COL12A1: variants seen among roughly 807,000 people sequenced by gnomAD.
COL12A1 encodes the protein collagen type XII alpha 1 chain, also known as collagen alpha-1(XII) chain.
Under a neutral mutation model 349.7 loss-of-function variants are expected in COL12A1, and 114 were observed. That is an observed-to-expected ratio of 0.33 (90% CI 0.28 to 0.38). The LOEUF (loss-of-function observed/expected upper bound fraction) is 0.38. Ranked by LOEUF, COL12A1 falls within the 10% of genes least tolerant of loss-of-function variation. The pLI, the probability that COL12A1 is intolerant of heterozygous loss-of-function variation, is 1.00. For missense variants in COL12A1, 3,284 were observed against 3,756.9 expected (o/e 0.87, Z 3.29); for synonymous variants, 1,369 against 1,329.0 (o/e 1.03, Z -0.66).
At position 75,113,723 on chromosome 6, in the gene COL12A1, G is replaced by C; in HGVS notation, c.7719C>G (p.Leu2573=). The C allele has an allele frequency of 6.3e-7, 1 of 1,594,158 alleles. No individual in the cohort carries two copies. The highest frequency in any genetic ancestry group is 8.6e-7 in the Non-Finnish European group (1 of 1,167,234). Residue 2573 remains leucine (L), a synonymous_variant, in exon 50 of 66, where the codon CTC becomes CTG. Coordinates refer to ENST00000322507, the MANE Select transcript of COL12A1 (RefSeq NM_004370.6). The stretch of plus-strand genomic sequence containing the variant: ...ATAATATAATCGTGTATGAAGGAGG[G>C]AGTCCATTTGGGTGTAGGTCTCTGT... ...QPTADLHPNG[L]PPSYTIILLF... is the part of the protein sequence containing the mutation.
At chr6:75,101,783 C>T in intron 57 of COL12A1, 130 bp from the exon 58 acceptor site, 1 of 1,109,010 alleles carries the variant, frequency 9.0e-7, no homozygotes, top group Admixed American at 2.3e-5. Flanking sequence ...CAGAGCCAAG[C>T]ACATTGCCAA....
chr6:75,100,442 C>T (rs1185002058), intron 58 of COL12A1, among the ~76,000 whole-genome samples: 4 of 152,102 alleles, frequency 2.6e-5, no homozygotes. Flanking sequence ...TGACTTGTCA[C>T]CCATGTACTC....
At position 75,154,429 on chromosome 6, in the gene COL12A1, T is replaced by G. The variant is rs757419186; in HGVS notation, c.3552A>C (p.Pro1184=). 6.2e-7 allele frequency: 1 copy of G among 1,611,498 alleles called. No individual in the cohort carries two copies. Among genetic ancestry groups the G allele is most frequent in the East Asian group, 2.2e-5 (1 of 44,780 alleles). The change falls in exon 17 of 66, where the codon CCA becomes CCC. Residue 1184 remains proline, a synonymous_variant. Coordinates refer to ENST00000322507, the MANE Select transcript of COL12A1 (RefSeq NM_004370.6). ...TCAATTTCTTACCAGAAGATAAAAT[T>G]GGCATAACAGTTGTGTCGGAAAGGG... ...MTTLSDTTVM[P]ILSSGMECLT...
intron 38 of COL12A1, among the ~76,000 whole-genome samples, chr6:75,127,144 T>A (rs982708219): frequency 6.6e-6 from 1 of 151,986 alleles, no homozygotes; most frequent in African/African-American, 2.4e-5. Context: ...AAATCCAAGA[T>A]CTAGTTAAAA....
chr6:75,179,306 A>C (rs1357177763), intron 11 of COL12A1, among the ~76,000 whole-genome samples: 5 of 152,144 alleles, frequency 3.3e-5, no homozygotes, highest in African/African-American at 1.2e-4. Flanking sequence ...TCTACTCAAA[A>C]ACCCTGAGAC....
chr6:75,191,826 T>A (rs1769945598), intron 4 of COL12A1, 66 bp from the exon 5 acceptor site: 2 of 1,007,888 alleles, frequency 2.0e-6, no homozygotes, highest in African/African-American at 3.4e-5. Flanking sequence ...TAAAATAGAA[T>A]AAATATATTA....
intron 36 of COL12A1, 143 bp from the exon 37 acceptor site, chr6:75,130,376 A>AC: frequency 2.3e-6 from 2 of 883,116 alleles, no homozygotes; most frequent in Non-Finnish European, 3.4e-6. Flanking sequence ...TTATGGTTTT[A>AC]ATGTGAAATC....
rs779921465 is a variant in COL12A1, at chr6:75,137,562, G to C, written c.5269C>G (p.Arg1757Gly). ...LTTQAPKSGP[R>G]NLQVYNATSN... ...GTTGCATTGTACACTTGAAGGTTTCGTGGGCCACTTTTGGGAGCTGAAAGA... is the reference window on the plus strand; with the variant it reads ...GTTGCATTGTACACTTGAAGGTTTCCTGGGCCACTTTTGGGAGCTGAAAGA... The change falls in exon 31 of 66, where the codon CGA becomes GGA. Residue 1757 changes from arginine (R) to glycine (G), a missense_variant. By Grantham distance (125) the Arg-to-Gly change is moderately radical. This residue lies in a region of COL12A1 where 2,601 missense variants were observed against 2,824.8 expected (regional missense o/e 0.92). Coordinates refer to ENST00000322507, the MANE Select transcript of COL12A1 (RefSeq NM_004370.6). 6.2e-7 allele frequency: 1 copy of C among 1,613,596 alleles called. No individual in the cohort carries two copies. Among genetic ancestry groups the C allele is most frequent in the East Asian group, 2.2e-5 (1 of 44,838 alleles).
chr6:75,187,375 A>T (rs1769681658), intron 8 of COL12A1, among the ~76,000 whole-genome samples: 1 of 151,994 alleles, frequency 6.6e-6, no homozygotes, highest in South Asian at 2.1e-4. Flanking sequence ...CCCCCTACAC[A>T]GGGAAAGTTC....
At chr6:75,201,096 C>T (rs1770503950) in intron 2 of COL12A1, among the ~76,000 whole-genome samples, 1 of 152,100 alleles carries the variant, frequency 6.6e-6, no homozygotes. Flanking sequence ...CAATTTTTTC[C>T]ACTTACATCA....
intron 39 of COL12A1, among the ~76,000 whole-genome samples, chr6:75,125,565 T>C (rs995648174): frequency 2.6e-5 from 4 of 152,168 alleles, no homozygotes; most frequent in African/African-American, 9.6e-5. Flanking sequence ...TCTCAAGCCC[T>C]ATTTTGCCAA....
At chr6:75,123,284 G>T in intron 43 of COL12A1, 46 bp downstream of exon 43, 1 of 1,489,920 alleles carries the variant, frequency 6.7e-7, no homozygotes, top group Non-Finnish European at 9.3e-7. Context: ...TAAGAAGTCT[G>T]TAACTCCCTA....
At chr6:75,139,344 T>C (rs1766779253) in intron 27 of COL12A1, among the ~76,000 whole-genome samples, 1 of 152,128 alleles carries the variant, frequency 6.6e-6, no homozygotes, top group Admixed American at 6.5e-5. Context: ...AAGACACACA[T>C]AGACTCTGGG....
chr6:75,118,917 G>C, intron 46 of COL12A1, 126 bp downstream of exon 46: 2 of 1,249,336 alleles, frequency 1.6e-6, no homozygotes, highest in Non-Finnish European at 2.2e-6. Flanking sequence ...GCATTACGAA[G>C]GTATACCGTG....
chr6:75,181,216 T>TA lies in COL12A1; in HGVS notation c.1892-6_1892-5insT, dbSNP rs752652515. ...GATCCTTTGGAGGGACGTAAGCTATTTAAAAAAAAAAAAAGACAGTTAAAA... is the reference window on the plus strand; with the variant it reads ...GATCCTTTGGAGGGACGTAAGCTATTATAAAAAAAAAAAAAGACAGTTAAAA... On this transcript the variant is annotated splice_polypyrimidine_tract_variant and splice_region_variant and intron_variant, in intron 10 of 65. Transcript: ENST00000322507. 94 of 1,406,404 alleles carry TA rather than the reference T, an allele frequency of 6.7e-5. No homozygotes were observed. The highest frequency in any genetic ancestry group is 1.0e-4 in the South Asian group (8 of 76,234). The allele number at this position is 1,406,404 out of a possible 1,614,324, so 87.1% of individuals were successfully genotyped here. A position where few individuals can be genotyped will look rare whatever the true frequency, so the allele number is the denominator to read the frequency against.
In COL12A1 at chr6:75,189,304, T is replaced by C. The variant is rs1769800962; in HGVS notation, c.736A>G (p.Ile246Val). 4 of 1,613,214 alleles carry C rather than the reference T, an allele frequency of 2.5e-6. No homozygotes were observed. In the East Asian group the frequency reaches 8.9e-5, roughly 36 times the overall value. ...TGGGATTTTCCATCCGTAATAATAA[T>C]TGCCACTTTAGGAAAGCCAACTCTT... ...GARVGFPKVA[I>V]IITDGKSQDE... Residue 246 changes from isoleucine to valine, a missense_variant, in exon 7 of 66, where the codon ATT becomes GTT. This residue lies in a region of COL12A1 where 2,601 missense variants were observed against 2,824.8 expected (regional missense o/e 0.92). Coordinates refer to ENST00000322507, the MANE Select transcript of COL12A1 (RefSeq NM_004370.6).
intron 64 of COL12A1, among the ~76,000 whole-genome samples, chr6:75,088,325 G>C (rs536928587): frequency 6.6e-6 from 1 of 152,302 alleles, no homozygotes; most frequent in South Asian, 2.1e-4. Context: ...AAAATGCTTT[G>C]GGAGAGCAGT....
chr6:75,189,091 CA>C (rs1769787768), intron 7 of COL12A1, 125 bp downstream of exon 7: 1 of 1,018,722 alleles, frequency 9.8e-7, no homozygotes, highest in African/African-American at 1.6e-5. Context: ...TTTAATATTA[CA>C]CTATAAAAAT....
chr6:75,166,086 AT>A (rs1582163266), intron 13 of COL12A1, among the ~76,000 whole-genome samples: 1 of 152,114 alleles, frequency 6.6e-6, no homozygotes, highest in Non-Finnish European at 1.5e-5. Flanking sequence ...TTAAAAAAAA[AT>A]TCCAAAGGAA....
Sources: gnomAD v4.1 joint callset for allele counts (sites outside exome capture counted in the v4.1 genomes callset) on GRCh38, gnomAD v4.1.1 for gene constraint, gnomAD v4.1.1 regional missense constraint, MANE v1.5 for transcripts, NCBI Gene and HGNC (gene_info 2026-07-23, HGNC 2026-07-21) for gene names.